The following FXR2 variants were observed in gnomAD, a reference collection of about 807,000 sequenced individuals.
FXR2 encodes the protein FMR1 autosomal homolog 2, also known as RNA-binding protein FXR2.
In FXR2, 9 loss-of-function variants were observed where a neutral mutation model predicts 87.3. That is an observed-to-expected ratio of 0.10 (90% confidence interval 0.06 to 0.18). FXR2 has a LOEUF of 0.18. Ranked by LOEUF, FXR2 falls within the 10% of genes least tolerant of loss-of-function variation. The pLI is 1.00. For synonymous variants in FXR2, 331 were observed against 328.3 expected, an observed-to-expected ratio of 1.01 and a Z score of -0.09; for missense variants, 661 against 893.6, an observed-to-expected ratio of 0.74 and a Z score of 3.32.
chr17:7,605,776 C>T, intron 2 of FXR2, 38 bp from the exon 3 acceptor site: 1 of 1,141,188 alleles, frequency 8.8e-7, no homozygotes. Flanking sequence ...GCTACTCTGA[C>T]TGATATGGTT....
chr17:7,603,249 C>T (rs1049859325), intron 5 of FXR2, among the ~76,000 whole-genome samples: 3 of 151,276 alleles, frequency 2.0e-5, no homozygotes, highest in Admixed American at 6.6e-5. Flanking sequence ...GGGACTGGGC[C>T]GGGTGCGGTG....
chr17:7,593,298 T>G lies in FXR2; in HGVS notation c.1330+105A>C. ...ACAAGCCTCCCAGCCAATCAATCAC[T>G]TTTTCATCATCTCCATTCCAGATTT... is the stretch of plus-strand genomic sequence containing the variant. On this transcript the variant is annotated intron_variant, in intron 12 of 16. Transcript: ENST00000250113. This position sits in a 1 kb window ranked among gnomAD's most constrained non-coding sequence, Gnocchi z 6.1. 3.3e-6 allele frequency: 4 copies of G among 1,227,090 alleles called. No individual in the cohort carries two copies. In the South Asian group the frequency reaches 6.0e-5, roughly 18 times the overall value. The allele number at this position is 1,227,090 out of a possible 1,614,324, so 76.0% of individuals were successfully genotyped here. A position where few individuals can be genotyped will look rare whatever the true frequency, so the allele number is the denominator to read the frequency against.
At chr17:7,604,776 C>T (rs1371006591) in intron 3 of FXR2, among the ~76,000 whole-genome samples, 2 of 144,766 alleles carry the variant, frequency 1.4e-5, no homozygotes, top group African/African-American at 5.1e-5. Context: ...GGCTGGAGTG[C>T]AATGGCACAA....
At position 7,594,603 on chromosome 17, in the gene FXR2, C is replaced by G; in HGVS notation, c.910+76G>C. ...TGGGAGTCCACAGGGAGGTGCCAAT[C>G]CTGGATAAAAGCTCAGAATCACTGT... On this transcript the variant is annotated intron_variant, in intron 9 of 16. Transcript: ENST00000250113. The surrounding 1 kb of genome is among the most constrained non-coding windows in gnomAD (Gnocchi z 5.1). The G allele has an allele frequency of 1.0e-6, 1 of 976,502 alleles. No individual in the cohort carries two copies. The highest frequency in any genetic ancestry group is 1.7e-6 in the Non-Finnish European group (1 of 599,150). 60.5% of individuals were successfully genotyped at this position (976,502 alleles called of 1,614,324 possible).
At chr17:7,608,981 T>A (rs1439729211) in intron 1 of FXR2, among the ~76,000 whole-genome samples, 2 of 152,234 alleles carry the variant, frequency 1.3e-5, no homozygotes, top group African/African-American at 4.8e-5. Flanking sequence ...TGATGGCTTG[T>A]GCCTGTAGTC....
intron 6 of FXR2, 176 bp downstream of exon 6, chr17:7,602,733 A>G (rs1295176747): frequency 3.7e-6 from 2 of 533,590 alleles, no homozygotes; most frequent in South Asian, 2.4e-5. Flanking sequence ...TCGTCTCAAA[A>G]AAAAGAAAAA....
chr17:7,593,478 G>GGGA lies in FXR2; in HGVS notation c.1252_1254dup (p.Ser418dup). ...CCCCCATAGGTTCGAGTCGCATGGA[G>GGGA]GGAGGAGGAGGAGCTCTCATCAGTG... On this transcript the variant is annotated inframe_insertion, in exon 12 of 17. Transcript: ENST00000250113. The surrounding 1 kb of genome is among the most constrained non-coding windows in gnomAD (Gnocchi z 6.1). 1 of 1,589,052 alleles carries GGGA rather than the reference G, an allele frequency of 6.3e-7. No homozygotes were observed. The highest frequency in any genetic ancestry group is 8.6e-7 in the Non-Finnish European group (1 of 1,169,074).
At position 7,593,678 on chromosome 17, in the gene FXR2, G is replaced by C; in HGVS notation, c.1108-53C>G. ...GAAGGAGAAATAAGATCAGTGCCTTGCTTCATGCTTCTGCACCCTGACTGT... is the reference window on the plus strand; with the variant it reads ...GAAGGAGAAATAAGATCAGTGCCTTCCTTCATGCTTCTGCACCCTGACTGT... On this transcript the variant is annotated intron_variant, in intron 11 of 16. Transcript: ENST00000250113. This position sits in a 1 kb window ranked among gnomAD's most constrained non-coding sequence, Gnocchi z 6.1. 2 of 1,222,136 alleles carry C rather than the reference G, an allele frequency of 1.6e-6. No individual in the cohort carries two copies. Among genetic ancestry groups the C allele is most frequent in the South Asian group, 2.6e-5 (2 of 77,630 alleles). The allele number at this position is 1,222,136 out of a possible 1,614,324, so 75.7% of individuals were successfully genotyped here. A position where few individuals can be genotyped will look rare whatever the true frequency, so the allele number is the denominator to read the frequency against.
rs1206626660 is a variant in FXR2 at position 7,603,744 on chromosome 17, C to A, written c.449+13G>T. The A allele has an allele frequency of 1.2e-6, 2 of 1,613,468 alleles. No homozygotes were observed. The highest frequency in any genetic ancestry group is 1.7e-6 in the Non-Finnish European group (2 of 1,179,528). The stretch of plus-strand genomic sequence containing the variant: ...TAAAGAGGGCCCTCATTCCCACCAT[C>A]CTTAACACTCACGCTTCTCTCAGAT... On this transcript the variant is annotated intron_variant, in intron 5 of 16. Transcript: ENST00000250113.
rs761840623 is a variant in FXR2 at position 7,594,366 on chromosome 17, G to A, written c.911-19C>T. ...ACTTTGCCTGGAATAGGTAAATGAG[G>A]AATTCAGCCTTTTATTTTTTTTAAG... On this transcript the variant is annotated intron_variant, in intron 9 of 16. Transcript: ENST00000250113. This position sits in a 1 kb window ranked among gnomAD's most constrained non-coding sequence, Gnocchi z 5.1. The A allele has an allele frequency of 2.8e-6, 4 of 1,440,440 alleles. No individual in the cohort carries two copies. The South Asian group carries it at 4.6e-5, about 17-fold the overall frequency. 89.2% of individuals were successfully genotyped at this position (1,440,440 alleles called of 1,614,324 possible).
At chr17:7,597,843 A>C (rs1480212382) in intron 7 of FXR2, among the ~76,000 whole-genome samples, 1 of 150,334 alleles carries the variant, frequency 6.7e-6, no homozygotes, top group African/African-American at 2.5e-5. Flanking sequence ...CCAACCCTCT[A>C]ATCATGAAGC....
rs372864232 is a variant in FXR2 at position 7,592,199 on chromosome 17, T to TGCC, written c.1926+52_1926+54dup. On this transcript the variant is annotated intron_variant, in intron 16 of 16. Transcript: ENST00000250113. This position sits in a 1 kb window ranked among gnomAD's most constrained non-coding sequence, Gnocchi z 4.8. ...GATTTGTGAAATTTTTTGTGCCCCC[T>TGCC]GCCCCAGAGTAACAACAAAAAAGGG... is the stretch of plus-strand genomic sequence containing the variant. 29 of 1,542,364 alleles carry TGCC rather than the reference T, an allele frequency of 1.9e-5. No homozygotes were observed. The East Asian group carries it at 6.3e-4, about 34-fold the overall frequency.
chr17:7,601,926 CA>C (rs143603149), intron 6 of FXR2, among the ~76,000 whole-genome samples: 6 of 144,456 alleles, frequency 4.2e-5, no homozygotes, highest in Admixed American at 6.9e-5. Context: ...ACTCTGTTTT[CA>C]AAAAAAAAAG....
chr17:7,606,705 CTT>C (rs1490938118), intron 1 of FXR2, among the ~76,000 whole-genome samples: 7 of 152,192 alleles, frequency 4.6e-5, no homozygotes, highest in African/African-American at 1.4e-4. Context: ...AAAATTAAGA[CTT>C]AATTTAAAAA....
intron 1 of FXR2, among the ~76,000 whole-genome samples, chr17:7,613,341 T>G (rs900529998): frequency 4.6e-5 from 7 of 151,986 alleles, no homozygotes; most frequent in Non-Finnish European, 8.8e-5. Flanking sequence ...ATCCAAGAGG[T>G]TCAGAATACC....
At chr17:7,599,220 G>C in intron 7 of FXR2, among the ~76,000 whole-genome samples, 1 of 151,728 alleles carries the variant, frequency 6.6e-6, no homozygotes. Context: ...GATCACTTGA[G>C]CTCGGGGGGT....
At chr17:7,603,073 ATGG>A in intron 5 of FXR2, 71 bp from the exon 6 acceptor site, 1 of 767,596 alleles carries the variant, frequency 1.3e-6, no homozygotes, top group South Asian at 1.5e-5. Flanking sequence ...GAGGCTGGAC[ATGG>A]TGGTTTGCAC....
chr17:7,607,384 T>C (rs2071811678), intron 1 of FXR2, among the ~76,000 whole-genome samples: 1 of 152,124 alleles, frequency 6.6e-6, no homozygotes, highest in South Asian at 2.1e-4. Flanking sequence ...GGTTTTCTCT[T>C]ATGTCTTCTT....
intron 7 of FXR2, among the ~76,000 whole-genome samples, chr17:7,597,571 C>T (rs1250385317): frequency 6.6e-6 from 1 of 151,758 alleles, no homozygotes; most frequent in Non-Finnish European, 1.5e-5. Context: ...ACTTCTGCCT[C>T]CCTTTTTTTG....
Sources: allele counts gnomAD v4.1 joint callset (sites outside exome capture counted in the v4.1 genomes callset), GRCh38; gene constraint gnomAD v4.1.1; non-coding constraint Gnocchi (gnomAD v3.1); transcripts MANE v1.5; gene names NCBI Gene and HGNC (gene_info 2026-07-23, HGNC 2026-07-21).